The following CCDC146 variants were observed in gnomAD, a reference collection of about 807,000 sequenced individuals.
CCDC146 encodes coiled-coil domain-containing protein 146.
In CCDC146, 92 loss-of-function variants were observed where a neutral mutation model predicts 119.3. That is an observed-to-expected ratio of 0.77 (90% CI 0.65 to 0.92). CCDC146 has a LOEUF of 0.92. CCDC146 is among the 40% of genes least tolerant of loss of function. The pLI is 0.00. For synonymous variants in CCDC146, 372 were observed against 371.8 expected (o/e 1.00, Z -0.01); for missense variants, 1,000 against 1,103.0 (o/e 0.91, Z 1.32).
intron 2 of CCDC146, among the ~76,000 whole-genome samples, chr7:77,203,545 G>A (rs1792033127): frequency 6.6e-6 from 1 of 152,060 alleles, no homozygotes; most frequent in South Asian, 2.1e-4. Context: ...GAAAAGGGAG[G>A]GTTTCAAGCA....
chr7:77,261,623 G>A (rs928975958), intron 8 of CCDC146, among the ~76,000 whole-genome samples: 5 of 151,870 alleles, frequency 3.3e-5, no homozygotes, highest in African/African-American at 4.8e-5. Flanking sequence ...GACTACAGGC[G>A]CCCGCCACCG....
intron 2 of CCDC146, among the ~76,000 whole-genome samples, chr7:77,211,129 C>G (rs115017725): frequency 1.3e-5 from 2 of 151,994 alleles, no homozygotes; most frequent in African/African-American, 4.8e-5. Flanking sequence ...AACCACCACC[C>G]AGGTCAAAAA....
Position 77,254,490 on chromosome 7 carries a change from T to C in CCDC146, c.450-16T>C. ...TTTCTTTGTACTTTTTCAAACTTGA[T>C]TTTTTTTTTTTGCAGCTTAAAGGAA... On this transcript the variant is annotated splice_polypyrimidine_tract_variant and intron_variant, in intron 4 of 18. Transcript: ENST00000285871. The C allele has an allele frequency of 1.7e-6, 1 of 581,314 alleles. No homozygotes were observed. Among genetic ancestry groups the C allele is most frequent in the South Asian group, 3.5e-5 (1 of 28,822 alleles). 36.0% of individuals were successfully genotyped at this position (581,314 alleles called of 1,614,324 possible). A position where few individuals can be genotyped will look rare whatever the true frequency, so the allele number is the denominator to read the frequency against.
chr7:77,238,214 C>T (rs1164584167), intron 3 of CCDC146, among the ~76,000 whole-genome samples: 1 of 152,132 alleles, frequency 6.6e-6, no homozygotes, highest in Admixed American at 6.5e-5. Flanking sequence ...AGGTTCCATT[C>T]CCCCGTAGCT....
intron 1 of CCDC146, among the ~76,000 whole-genome samples, chr7:77,133,758 C>A (rs3114331): frequency 0.19 from 28,709 of 148,480 alleles, 3,040 homozygotes; most frequent in Non-Finnish European, 0.21. Context: ...TCATGTAAGG[C>A]ACTTGGTGCT....
intron 2 of CCDC146, among the ~76,000 whole-genome samples, chr7:77,202,048 A>G (rs1328818818): frequency 6.6e-6 from 1 of 152,276 alleles, no homozygotes; most frequent in Non-Finnish European, 1.5e-5. Flanking sequence ...GTATTTATTA[A>G]GGATCTTCTG....
At chr7:77,251,790 G>T (rs1015621330) in intron 4 of CCDC146, among the ~76,000 whole-genome samples, 6 of 152,072 alleles carry the variant, frequency 3.9e-5, no homozygotes, top group African/African-American at 1.4e-4. Flanking sequence ...TCACACAGAT[G>T]TCAGTAAATT....
chr7:77,237,432 C>A (rs1413341553), intron 3 of CCDC146, among the ~76,000 whole-genome samples: 1 of 152,178 alleles, frequency 6.6e-6, no homozygotes, highest in Non-Finnish European at 1.5e-5. Context: ...CTTTGACAAA[C>A]CAAGCAAACT....
intron 4 of CCDC146, chr7:77,246,495 ATGTCAGATT>A (rs1188250125): frequency 3.3e-5 from 5 of 152,194 alleles, no homozygotes; most frequent in African/African-American, 1.2e-4. Context: ...AAGCTGAAAA[ATGTCAGATT>A]TAAGTTTTAA....
intron 2 of CCDC146, among the ~76,000 whole-genome samples, chr7:77,218,984 A>G (rs1164054588): frequency 2.6e-5 from 4 of 152,204 alleles, no homozygotes; most frequent in Non-Finnish European, 5.9e-5. Flanking sequence ...AATCTGTGGC[A>G]TGAAATATAC....
intron 1 of CCDC146, among the ~76,000 whole-genome samples, chr7:77,161,693 C>T (rs1034391203): frequency 6.6e-5 from 10 of 150,392 alleles, no homozygotes; most frequent in African/African-American, 2.2e-4. Context: ...TGCTAAATGA[C>T]GAGTTAATGG....
intron 1 of CCDC146, among the ~76,000 whole-genome samples, chr7:77,138,034 T>G (rs1442276940): frequency 6.6e-6 from 1 of 151,888 alleles, no homozygotes; most frequent in Non-Finnish European, 1.5e-5. Context: ...TGAGGCCTTC[T>G]TCCTGGTTTG....
Position 77,199,981 on chromosome 7 carries a change from C to T in CCDC146, c.156+32157C>T, listed in dbSNP as rs138574743. The T allele has an allele frequency of 1.2e-4, 70 of 573,504 alleles. 1 individual carries two copies. In the Admixed American group the frequency reaches 1.8e-3, roughly 15 times the overall value. The allele number at this position is 573,504 out of a possible 1,614,324, so 35.5% of individuals were successfully genotyped here. ...GCAGTTTGCCAAAAACTGTAACTTA[C>T]TCTCAATAGAAATAATATGCATTGA... On this transcript the variant is annotated intron_variant, in intron 2 of 18. Coordinates refer to ENST00000285871, the MANE Select transcript of CCDC146 (RefSeq NM_020879.3).
intron 9 of CCDC146, among the ~76,000 whole-genome samples, chr7:77,273,374 G>A (rs116841944): frequency 0.023 from 3,513 of 152,248 alleles, 56 homozygotes; most frequent in Middle Eastern, 0.048. Flanking sequence ...TTTTTGGCAG[G>A]TCTTCATATT....
intron 1 of CCDC146, among the ~76,000 whole-genome samples, chr7:77,132,161 A>C (rs1790793843): frequency 6.6e-6 from 1 of 151,824 alleles, no homozygotes; most frequent in African/African-American, 2.4e-5. Flanking sequence ...AGAAATAATA[A>C]TAGCAGTTTT....
chr7:77,132,993 G>A (rs1790807791), intron 1 of CCDC146, among the ~76,000 whole-genome samples: 1 of 151,870 alleles, frequency 6.6e-6, no homozygotes, highest in African/African-American at 2.4e-5. Flanking sequence ...CTAACATGGT[G>A]AAACCCCATC....
intron 3 of CCDC146, among the ~76,000 whole-genome samples, chr7:77,241,121 A>C (rs1418177650): frequency 6.7e-6 from 1 of 148,894 alleles, no homozygotes; most frequent in African/African-American, 2.5e-5. Flanking sequence ...GCAGTGGCTC[A>C]ATCTCGGCTC....
chr7:77,254,697 G>A (rs1224346089), intron 5 of CCDC146, 134 bp downstream of exon 5: 7 of 502,306 alleles, frequency 1.4e-5, no homozygotes, highest in Non-Finnish European at 2.1e-5. Context: ...TGTGAATGAT[G>A]CTGAAAAGAC....
chr7:77,226,827 T>C (rs1792524108), intron 2 of CCDC146, among the ~76,000 whole-genome samples: 1 of 152,216 alleles, frequency 6.6e-6, no homozygotes, highest in African/African-American at 2.4e-5. Context: ...CCATGTATGA[T>C]ATTGTTTATG....
Sources: allele counts gnomAD v4.1 joint callset (sites outside exome capture counted in the v4.1 genomes callset), GRCh38; gene constraint gnomAD v4.1.1; transcripts MANE v1.5; gene names NCBI Gene and HGNC (gene_info 2026-07-23, HGNC 2026-07-21).